GABRA4: variants seen among roughly 807,000 people sequenced by gnomAD.
GABRA4 encodes gamma-aminobutyric acid receptor subunit alpha-4.
GABRA4 carries 12 observed loss-of-function variants against 49.7 expected under a neutral mutation model. That is an observed-to-expected ratio of 0.24 (90% CI 0.15 to 0.39). The LOEUF (loss-of-function observed/expected upper bound fraction) is 0.39. Ranked by LOEUF, GABRA4 falls within the 10% of genes least tolerant of loss-of-function variation. The pLI is 1.00. For synonymous variants in GABRA4, 288 were observed against 240.2 expected, an observed-to-expected ratio of 1.20 and a Z score of -1.84; for missense variants, 506 against 686.0, an observed-to-expected ratio of 0.74 and a Z score of 2.93.
At chr4:46,977,164 A>C in intron 4 of GABRA4, 21 bp from the exon 5 acceptor site, 1 of 1,474,334 alleles carries the variant, frequency 6.8e-7, no homozygotes, top group African/African-American at 1.4e-5. Flanking sequence ...AAATGCAATT[A>C]AATAAAATCA....
intron 2 of GABRA4, among the ~76,000 whole-genome samples, chr4:46,991,341 C>G (rs917510965): frequency 5.3e-5 from 8 of 152,172 alleles, no homozygotes; most frequent in Non-Finnish European, 8.8e-5. Flanking sequence ...ACATCACTTT[C>G]CCTTTCTAAA....
At chr4:46,983,559 C>T (rs1328412891) in intron 2 of GABRA4, among the ~76,000 whole-genome samples, 1 of 152,042 alleles carries the variant, frequency 6.6e-6, no homozygotes, top group Non-Finnish European at 1.5e-5. Context: ...AAATATTCCC[C>T]ATTTTAAGAA....
chr4:46,983,408 C>T (rs1193058175), intron 2 of GABRA4, among the ~76,000 whole-genome samples: 1 of 152,008 alleles, frequency 6.6e-6, no homozygotes, highest in Non-Finnish European at 1.5e-5. Context: ...TTTTTGAAGT[C>T]CCAAACTAGC....
chr4:46,938,101 G>A (rs1721660060), intron 8 of GABRA4, among the ~76,000 whole-genome samples: 1 of 152,010 alleles, frequency 6.6e-6, no homozygotes, highest in Non-Finnish European at 1.5e-5. Context: ...TGAAAGTGGA[G>A]TTAATATATA....
At chr4:46,942,719 C>A (rs1441181617) in intron 8 of GABRA4, among the ~76,000 whole-genome samples, 1 of 151,368 alleles carries the variant, frequency 6.6e-6, no homozygotes, top group African/African-American at 2.4e-5. Flanking sequence ...TCCCATTATT[C>A]TATATTCTAG....
At chr4:46,976,939 C>A in intron 5 of GABRA4, 122 bp downstream of exon 5, 1 of 562,028 alleles carries the variant, frequency 1.8e-6, no homozygotes. Flanking sequence ...AGAAATAAAA[C>A]CGGACAGTTT....
intron 2 of GABRA4, among the ~76,000 whole-genome samples, chr4:46,985,218 A>T (rs970058564): frequency 1.3e-5 from 2 of 152,214 alleles, no homozygotes; most frequent in Non-Finnish European, 2.9e-5. Flanking sequence ...TTTTAAAATA[A>T]AGACAGTCAA....
chr4:46,989,069 C>T (rs1005442751), intron 2 of GABRA4, among the ~76,000 whole-genome samples: 1 of 152,140 alleles, frequency 6.6e-6, no homozygotes, highest in African/African-American at 2.4e-5. Flanking sequence ...TGCTTCATTC[C>T]CATTTCAGAG....
chr4:46,990,905 G>A (rs1037337394), intron 2 of GABRA4, among the ~76,000 whole-genome samples: 2 of 152,146 alleles, frequency 1.3e-5, no homozygotes, highest in East Asian at 1.9e-4. Flanking sequence ...ATGCTGGCCC[G>A]GCGCGGCTCA....
chr4:46,993,257 G>A (rs1388818031), intron 1 of GABRA4, 82 bp downstream of exon 1: 9 of 1,171,194 alleles, frequency 7.7e-6, no homozygotes, highest in Non-Finnish European at 9.0e-6. Context: ...CACCCAGGGA[G>A]GAGCGAGTGG....
At chr4:46,976,687 C>A in intron 5 of GABRA4, among the ~76,000 whole-genome samples, 1 of 151,396 alleles carries the variant, frequency 6.6e-6, no homozygotes, top group Middle Eastern at 3.2e-3. Flanking sequence ...ATCTATCTAT[C>A]TATCTGAAGT....
chr4:46,970,330 T>C (rs2047088691), intron 7 of GABRA4, among the ~76,000 whole-genome samples: 1 of 151,498 alleles, frequency 6.6e-6, no homozygotes, highest in African/African-American at 2.4e-5. Context: ...TCCTTCTTAT[T>C]CTACTACTGA....
At chr4:46,985,805 A>G (rs1014835830) in intron 2 of GABRA4, among the ~76,000 whole-genome samples, 2 of 151,978 alleles carry the variant, frequency 1.3e-5, no homozygotes, top group African/African-American at 4.8e-5. Context: ...AACCAAGAAC[A>G]TAAGATAGTA....
chr4:46,992,161 C>A (rs2109414323), intron 2 of GABRA4, among the ~76,000 whole-genome samples: 1 of 152,282 alleles, frequency 6.6e-6, no homozygotes, highest in Admixed American at 6.5e-5. Context: ...TGAAAAACAG[C>A]AACAGTGCTG....
At chr4:46,987,951 C>T (rs1436827301) in intron 2 of GABRA4, among the ~76,000 whole-genome samples, 1 of 152,064 alleles carries the variant, frequency 6.6e-6, no homozygotes, top group African/African-American at 2.4e-5. Context: ...TGAGACCTGG[C>T]CTCTATTTAA....
intron 8 of GABRA4, among the ~76,000 whole-genome samples, chr4:46,954,112 A>T (rs1332735766): frequency 1.3e-5 from 2 of 152,120 alleles, no homozygotes; most frequent in Admixed American, 6.6e-5. Flanking sequence ...AGTATAATTG[A>T]TGTTTTTATT....
intron 7 of GABRA4, among the ~76,000 whole-genome samples, 176 bp from the exon 8 acceptor site, chr4:46,965,405 G>A (rs747209412): frequency 4.6e-5 from 7 of 151,856 alleles, no homozygotes; most frequent in Non-Finnish European, 7.4e-5. Context: ...AATAAAATTA[G>A]CACAGGCTTT....
intron 8 of GABRA4, among the ~76,000 whole-genome samples, chr4:46,932,614 C>T (rs1318732975): frequency 6.6e-6 from 1 of 152,054 alleles, no homozygotes; most frequent in African/African-American, 2.4e-5. Context: ...TTTGATTTTG[C>T]CATTTAATAT....
chr4:46,944,307 T>C (rs570567632), intron 8 of GABRA4, among the ~76,000 whole-genome samples: 36 of 150,206 alleles, frequency 2.4e-4, no homozygotes, highest in Non-Finnish European at 5.2e-4. Context: ...AAGACAGGAA[T>C]TGTTAAGTAC....
Sources: allele counts gnomAD v4.1 joint callset (sites outside exome capture counted in the v4.1 genomes callset), GRCh38; gene constraint gnomAD v4.1.1; transcripts MANE v1.5; gene names NCBI Gene and HGNC (gene_info 2026-07-23, HGNC 2026-07-21).